Variants in AGT observed in about 807,000 individuals in gnomAD.
AGT encodes the protein alpha-1 antiproteinase, antitrypsin.
A neutral mutation model predicts 28.1 loss-of-function variants in AGT; 26 were observed. The observed-to-expected ratio is 0.92, with a 90% CI of 0.68 to 1.28. The LOEUF (loss-of-function observed/expected upper bound fraction) is 1.28, where lower values mean the gene tolerates loss of function less well. Among genes scored for constraint, AGT ranks in the 50% most tolerant of loss-of-function variants. AGT has a pLI of 0.00. For missense variants in AGT, 596 were observed against 592.3 expected (o/e 1.01, Z -0.06); for synonymous variants, 259 against 259.6 (o/e 1.00, Z 0.02).
At position 230,706,143 on chromosome 1, in the gene AGT, C is replaced by T. The variant is rs200008829; in HGVS notation, c.887G>A (p.Ser296Asn). 6.8e-6 allele frequency: 11 copies of T among 1,614,100 alleles called. No homozygotes were observed. In the Admixed American group the frequency reaches 1.7e-4, roughly 24 times the overall value. Residue 296 changes from serine (S) to asparagine (N), a missense_variant, in exon 3 of 5, where the codon AGC (serine) becomes AAC (asparagine). Physicochemically the swap from Ser to Asn is conservative, Grantham distance 46. Coordinates refer to ENST00000366667, the MANE Select transcript of AGT (RefSeq NM_001384479.1). ...GAGCATGGGAACAGACACTGAGGTG[C>T]TGTTGTCCACCCAGAACTCCTGGGG... is the stretch of plus-strand genomic sequence containing the variant. ...AEPQEFWVDN[S>N]TSVSVPMLSG...
At chr1:230,739,837 G>A (rs1329638552) in intron 1 of AGT, among the ~76,000 whole-genome samples, 3 of 152,150 alleles carry the variant, frequency 2.0e-5, no homozygotes, top group Non-Finnish European at 4.4e-5. Flanking sequence ...GGGAAAAGTG[G>A]ACCTGTTACT....
chr1:230,741,390 A>G lies in AGT; in HGVS notation c.-31+4125T>C, dbSNP rs184762297. ...GAACCACCAGGTCGTCCACGAGCCT[A>G]TGCGCCTACAAGCTGGGATCTCTTG... On this transcript the variant is annotated intron_variant, in intron 1 of 4. Transcript: ENST00000681269. 1.7e-4 allele frequency among the ~76,000 whole-genome samples: 26 copies of G among 152,358 alleles called. No homozygotes were observed. In the East Asian group the frequency reaches 3.9e-3, roughly 23 times the overall value.
rs534254716 is a variant in AGT, at chr1:230,711,065, T to C, written c.-30-212A>G. ...CAAAATGCACCAATATCAGCTGAAT[T>C]ATGTCCTACCTCCCCCAACGGCCAT... On this transcript the variant is annotated intron_variant, in intron 1 of 4. Coordinates refer to ENST00000366667, the MANE Select transcript of AGT (RefSeq NM_001384479.1). Among the ~76,000 whole-genome samples, 4 of 152,322 alleles carry C rather than the reference T, an allele frequency of 2.6e-5. No individual in the cohort carries two copies. The East Asian group carries it at 7.7e-4, about 29-fold the overall frequency.
chr1:230,716,063 G>A (rs566841770), upstream of AGT, among the ~76,000 whole-genome samples: 68 of 152,260 alleles, frequency 4.5e-4, 1 homozygote, highest in Admixed American at 4.4e-3. Flanking sequence ...AATAATTTTG[G>A]TTAGATTGGA....
In AGT at chr1:230,710,330, C is replaced by T. The variant is rs564074355; in HGVS notation, c.494G>A (p.Arg165Gln). 1.1e-5 allele frequency: 17 copies of T among 1,613,958 alleles called. No homozygotes were observed. The Admixed American group carries it at 1.7e-4, about 16-fold the overall frequency. Residue 165 changes from arginine (R) to glutamine (Q), a missense_variant, in exon 2 of 5, where the codon CGG becomes CAG. Coordinates refer to ENST00000366667, the MANE Select transcript of AGT (RefSeq NM_001384479.1). The stretch of plus-strand genomic sequence containing the variant: ...AGACAGGACCTTGTGCGCATCCAGC[C>T]GGGAGGTGCAGTTCTTGTCCTTCCA... Reference protein sequence around the residue: ...VPWKDKNCTSRLDAHKVLSAL... With the variant: ...VPWKDKNCTSQLDAHKVLSAL...
In AGT at chr1:230,743,847, T is replaced by G. The variant is rs115961619; in HGVS notation, c.-31+1668A>C. On this transcript the variant is annotated intron_variant, in intron 1 of 4. Coordinates refer to the AGT transcript ENST00000681269. ...GTTCACCTCCTGCTGCCCTTCAAGA[T>G]GAACAAGAAGAAGAGAAACAAAGGG... Among the ~76,000 whole-genome samples, 659 of 152,180 alleles carry G rather than the reference T, an allele frequency of 4.3e-3. 5 individuals carry two copies. Among genetic ancestry groups the G allele is most frequent in the African/African-American group, 0.014 (570 of 41,522 alleles).
intron 1 of AGT, among the ~76,000 whole-genome samples, chr1:230,712,512 G>T (rs1379876663): frequency 3.9e-5 from 6 of 152,232 alleles, no homozygotes; most frequent in Admixed American, 3.9e-4. Context: ...TTTCTGTGCA[G>T]AGAAGCCTAA....
upstream of AGT, among the ~76,000 whole-genome samples, chr1:230,716,627 G>A (rs1363309278): frequency 6.6e-6 from 1 of 152,118 alleles, no homozygotes; most frequent in Non-Finnish European, 1.5e-5. Flanking sequence ...TTTTATAAAG[G>A]GGAGTTCCCC....
intron 1 of AGT, among the ~76,000 whole-genome samples, chr1:230,742,213 T>C (rs1338124510): frequency 6.6e-6 from 1 of 152,136 alleles, no homozygotes; most frequent in Non-Finnish European, 1.5e-5. Context: ...GATCTTTGTG[T>C]AGTTTCCGAG....
At chr1:230,710,925 T>C in intron 1 of AGT, 72 bp from the exon 2 acceptor site, 1 of 1,543,078 alleles carries the variant, frequency 6.5e-7, no homozygotes, top group Non-Finnish European at 8.8e-7. Flanking sequence ...ACCAGATCTT[T>C]CATTGTCTCA....
intron 1 of AGT, among the ~76,000 whole-genome samples, chr1:230,734,522 A>G (rs1468674876): frequency 6.6e-6 from 1 of 152,148 alleles, no homozygotes; most frequent in East Asian, 1.9e-4. Context: ...CTGAGCACTT[A>G]GAAATGGTTA....
intron 1 of AGT, among the ~76,000 whole-genome samples, chr1:230,733,390 T>C (rs1008935656): frequency 1.3e-5 from 2 of 152,186 alleles, no homozygotes; most frequent in Non-Finnish European, 2.9e-5. Flanking sequence ...CAAATACACT[T>C]TTCCACATTC....
intron 2 of AGT, among the ~76,000 whole-genome samples, chr1:230,707,630 G>A (rs931300536): frequency 6.6e-6 from 1 of 152,212 alleles, no homozygotes; most frequent in African/African-American, 2.4e-5. Flanking sequence ...GGTTCCCCTT[G>A]CACGTTCCCT....
Position 230,710,014 on chromosome 1 carries a change from G to A in AGT, c.810C>T (p.Asn270=), listed in dbSNP as rs759652013. 3.7e-5 allele frequency: 60 copies of A among 1,614,088 alleles called. No individual in the cohort carries two copies. Among genetic ancestry groups the A allele is most frequent in the Non-Finnish European group, 4.7e-5 (55 of 1,180,056 alleles). Residue 270 remains asparagine (N), a synonymous_variant, in exon 2 of 5, where the codon AAC becomes AAT. Transcript: ENST00000366667. Reference sequence around the variant, plus strand: ...CCTTACCTTGGAAGTGGACGTAGGTGTTGAAAGCCAGGGTGCTGTCCACAC... The same window carrying A: ...CCTTACCTTGGAAGTGGACGTAGGTATTGAAAGCCAGGGTGCTGTCCACAC... ...GASVDSTLAF[N]TYVHFQGKMK... is the part of the protein sequence containing the mutation.
intron 3 of AGT, among the ~76,000 whole-genome samples, chr1:230,704,698 G>A (rs1374069698): frequency 6.6e-6 from 1 of 152,234 alleles, no homozygotes; most frequent in Non-Finnish European, 1.5e-5. Context: ...TGCCACAGCA[G>A]TGTTCTTGAT....
intron 1 of AGT, among the ~76,000 whole-genome samples, chr1:230,741,169 G>A (rs942733071): frequency 6.6e-6 from 1 of 152,204 alleles, no homozygotes; most frequent in Non-Finnish European, 1.5e-5. Context: ...AACAATGAAT[G>A]TTTAAGGAGT....
At chr1:230,704,594 G>A (rs1185425213) in intron 3 of AGT, among the ~76,000 whole-genome samples, 2 of 152,230 alleles carry the variant, frequency 1.3e-5, no homozygotes, top group Non-Finnish European at 2.9e-5. Flanking sequence ...TTGTCCTTTG[G>A]TGCATTCTGT....
At chr1:230,722,562 C>T (rs965330675) in intron 1 of AGT, among the ~76,000 whole-genome samples, 1 of 152,234 alleles carries the variant, frequency 6.6e-6, no homozygotes, top group Non-Finnish European at 1.5e-5. Context: ...TGCAAAACCA[C>T]AGGGGTGGAG....
At chr1:230,705,861 T>G in intron 3 of AGT, 72 bp downstream of exon 3, 1 of 1,587,188 alleles carries the variant, frequency 6.3e-7, no homozygotes, top group South Asian at 1.1e-5. Context: ...GTGTGTCTAC[T>G]CCCCACCCCG....
Sources: gnomAD v4.1 joint callset for allele counts (sites outside exome capture counted in the v4.1 genomes callset) on GRCh38, gnomAD v4.1.1 for gene constraint, MANE v1.5 for transcripts, NCBI Gene and HGNC (gene_info 2026-07-23, HGNC 2026-07-21) for gene names.